The following CADM2 variants were observed in gnomAD, a reference collection of about 807,000 sequenced individuals.
CADM2 encodes the protein immunoglobulin superfamily member 4D.
In CADM2, 12 loss-of-function variants were observed where a neutral mutation model predicts 49.8. The ratio of observed to expected loss-of-function variants is 0.24; its 90% confidence interval spans 0.15 to 0.39. The LOEUF (loss-of-function observed/expected upper bound fraction) is 0.39. CADM2 is among the 10% of genes least tolerant of loss of function. The probability of loss-of-function intolerance (pLI) is 1.00; values close to 1 mark genes in which losing one functional copy is unlikely to be tolerated. For synonymous variants in CADM2, 214 were observed against 175.4 expected, an observed-to-expected ratio of 1.22 and a Z score of -1.74; for missense variants, 378 against 492.3, an observed-to-expected ratio of 0.77 and a Z score of 2.20.
At chr3:85,815,625 C>T (rs1016187080) in intron 3 of CADM2, among the ~76,000 whole-genome samples, 2 of 152,148 alleles carry the variant, frequency 1.3e-5, no homozygotes, top group South Asian at 2.1e-4. Context: ...TATGACAAAC[C>T]CACAGCCAAT....
intron 1 of CADM2, among the ~76,000 whole-genome samples, chr3:85,232,297 A>G (rs187156173): frequency 6.6e-6 from 1 of 152,214 alleles, no homozygotes; most frequent in East Asian, 1.9e-4. Flanking sequence ...CATGATCTTG[A>G]GCATTTCAGA....
At chr3:85,500,476 T>C (rs190407534) in intron 1 of CADM2, among the ~76,000 whole-genome samples, 138 of 152,216 alleles carry the variant, frequency 9.1e-4, no homozygotes, top group Non-Finnish European at 1.8e-3. Context: ...GCTTATTGGT[T>C]TTGATGAAAT....
At chr3:85,715,240 C>T (rs976922937) in intron 1 of CADM2, among the ~76,000 whole-genome samples, 1 of 152,104 alleles carries the variant, frequency 6.6e-6, no homozygotes, top group African/African-American at 2.4e-5. Context: ...ACATGACAGT[C>T]ATGACAATGA....
intron 1 of CADM2, among the ~76,000 whole-genome samples, chr3:85,701,940 G>A (rs2066777316): frequency 6.6e-6 from 1 of 151,118 alleles, no homozygotes; most frequent in Admixed American, 6.6e-5. Flanking sequence ...GAAAAAGAAA[G>A]AAGAAATAAA....
chr3:85,304,996 G>A (rs2044180772), intron 1 of CADM2, among the ~76,000 whole-genome samples: 1 of 151,586 alleles, frequency 6.6e-6, no homozygotes, highest in Admixed American at 6.6e-5. Context: ...CTATTGAAAA[G>A]TAAAATTACC....
At chr3:85,886,939 G>C (rs1713740283) in intron 5 of CADM2, among the ~76,000 whole-genome samples, 1 of 152,006 alleles carries the variant, frequency 6.6e-6, no homozygotes, top group Non-Finnish European at 1.5e-5. Context: ...AAGGGAGATG[G>C]CTTGGTATTT....
intron 3 of CADM2, among the ~76,000 whole-genome samples, chr3:85,858,621 G>C (rs2075401739): frequency 6.6e-6 from 1 of 152,222 alleles, no homozygotes; most frequent in Admixed American, 6.5e-5. Flanking sequence ...TTCTGCACCT[G>C]CAATGATAAT....
chr3:85,373,022 T>G (rs1386071119), intron 1 of CADM2, among the ~76,000 whole-genome samples: 1 of 152,068 alleles, frequency 6.6e-6, no homozygotes, highest in African/African-American at 2.4e-5. Context: ...CATTCTGGTC[T>G]TGGCCCCTCC....
At chr3:85,036,997 G>GAAA (rs10566030) in intron 1 of CADM2, among the ~76,000 whole-genome samples, 3 of 77,994 alleles carry the variant, frequency 3.8e-5, no homozygotes, top group South Asian at 4.7e-4. Context: ...ACTAAAAATA[G>GAAA]AAAAAAAAAA....
chr3:85,786,685 A>G (rs1280958361), intron 2 of CADM2, among the ~76,000 whole-genome samples: 1 of 152,066 alleles, frequency 6.6e-6, no homozygotes, highest in East Asian at 1.9e-4. Context: ...CACAATGTTT[A>G]TGTGTTCAAA....
chr3:85,551,260 G>A (rs2061795979), intron 1 of CADM2, among the ~76,000 whole-genome samples: 1 of 152,134 alleles, frequency 6.6e-6, no homozygotes, highest in Non-Finnish European at 1.5e-5. Flanking sequence ...TACATTAGAG[G>A]CTTAGGCCAC....
intron 1 of CADM2, among the ~76,000 whole-genome samples, chr3:85,319,251 A>G (rs989199437): frequency 5.9e-5 from 9 of 152,180 alleles, no homozygotes; most frequent in Admixed American, 4.6e-4. Flanking sequence ...ATGAAATACC[A>G]TCTCAACACC....
At chr3:85,810,921 C>A (rs1168928222) in intron 3 of CADM2, among the ~76,000 whole-genome samples, 2 of 152,118 alleles carry the variant, frequency 1.3e-5, no homozygotes, top group Non-Finnish European at 2.9e-5. Flanking sequence ...TAAAGAAAAT[C>A]TTCGGTTGTG....
rs189917748 is a variant in CADM2 at position 85,788,453 on chromosome 3, T to G, written c.89-13594T>G. On this transcript the variant is annotated intron_variant, in intron 2 of 9. Coordinates refer to ENST00000383699, the MANE Select transcript of CADM2 (RefSeq NM_001167675.2). ...ATGTAGCTATTTTACATAAATAACT[T>G]TATTTAGTGCACCAATGCAATTATT... 9.3e-4 allele frequency among the ~76,000 whole-genome samples: 142 copies of G among 151,992 alleles called. 1 individual carries two copies. The highest frequency in any genetic ancestry group is 3.3e-3 in the African/African-American group (135 of 41,362).
At chr3:85,387,396 C>T (rs982940848) in intron 1 of CADM2, among the ~76,000 whole-genome samples, 5 of 152,068 alleles carry the variant, frequency 3.3e-5, no homozygotes, top group Non-Finnish European at 5.9e-5. Flanking sequence ...TTTTTGCTAC[C>T]TAGAAACACA....
chr3:85,335,833 T>C (rs1305868532), intron 1 of CADM2, among the ~76,000 whole-genome samples: 2 of 151,464 alleles, frequency 1.3e-5, no homozygotes. Context: ...AGTATGGATG[T>C]CTCCAAGTCT....
intron 1 of CADM2, among the ~76,000 whole-genome samples, chr3:85,386,016 G>A (rs2034207556): frequency 6.6e-6 from 1 of 152,016 alleles, no homozygotes; most frequent in South Asian, 2.1e-4. Context: ...ATAGAACAAA[G>A]TACCATATGA....
intron 1 of CADM2, among the ~76,000 whole-genome samples, chr3:85,103,435 T>C (rs958311860): frequency 2.6e-5 from 4 of 152,170 alleles, no homozygotes; most frequent in African/African-American, 9.6e-5. Flanking sequence ...TCCTGTGTAA[T>C]TTATCATGAG....
chr3:85,095,570 A>G lies in CADM2; in HGVS notation c.61+135902A>G, dbSNP rs1239733482. ...CTAGGTATTGTGGGGGATGGATAGT[A>G]CTCACTTAAAAGGAACTTATGATAT... On this transcript the variant is annotated intron_variant, in intron 1 of 9. Coordinates refer to ENST00000383699, the MANE Select transcript of CADM2 (RefSeq NM_001167675.2). 2.0e-5 allele frequency among the ~76,000 whole-genome samples: 3 copies of G among 152,294 alleles called. No individual in the cohort carries two copies. The East Asian group carries it at 5.8e-4, about 29-fold the overall frequency.
Sources: allele counts gnomAD v4.1 joint callset (sites outside exome capture counted in the v4.1 genomes callset), GRCh38; gene constraint gnomAD v4.1.1; transcripts MANE v1.5; gene names NCBI Gene and HGNC (gene_info 2026-07-23, HGNC 2026-07-21).